The following RBL2 variants were observed in gnomAD, a reference collection of about 807,000 sequenced individuals.
RBL2 encodes retinoblastoma-like protein 2.
Under a neutral mutation model 126.0 loss-of-function variants are expected in RBL2, and 56 were observed. The ratio of observed to expected loss-of-function variants is 0.44; its 90% CI spans 0.36 to 0.56. RBL2 has a LOEUF of 0.56. Among genes scored for constraint, RBL2 ranks in the 20% least tolerant of loss-of-function variants. The pLI is 0.00. For synonymous variants in RBL2, 454 were observed against 478.5 expected, an observed-to-expected ratio of 0.95 and a Z score of 0.67; for missense variants, 1,229 against 1,398.2, an observed-to-expected ratio of 0.88 and a Z score of 1.93.
At chr16:53,484,839 T>G (rs192652401) in intron 21 of RBL2, among the ~76,000 whole-genome samples, 45 of 152,274 alleles carry the variant, frequency 3.0e-4, no homozygotes, top group African/African-American at 9.9e-4. Context: ...AAGAATTATA[T>G]CTCAATAAAG....
chr16:53,482,671 G>A (rs1479905113), intron 21 of RBL2, among the ~76,000 whole-genome samples: 1 of 152,042 alleles, frequency 6.6e-6, no homozygotes, highest in South Asian at 2.1e-4. Context: ...TTAGCTGGGT[G>A]TGGTGGCATG....
intron 13 of RBL2, 129 bp from the exon 14 acceptor site, chr16:53,466,929 G>T: frequency 8.5e-6 from 6 of 702,392 alleles, no homozygotes; most frequent in East Asian, 3.0e-5. Context: ...TTATTAAAAT[G>T]GGAAAGACAG....
rs774370283 is a variant in RBL2, at chr16:53,453,785, T to A, written c.992+16T>A. 3.2e-6 allele frequency: 5 copies of A among 1,555,294 alleles called. No individual in the cohort carries two copies. In the East Asian group the frequency reaches 6.7e-5, roughly 21 times the overall value. On this transcript the variant is annotated intron_variant, in intron 7 of 21. Transcript: ENST00000262133. ...GAGAGAGTTTGTGAGTACTTCTGTA[T>A]AAAATGTTTTAATATTTTAAATTGT...
rs1460838118 is a variant in RBL2, at chr16:53,490,289, G to A, written c.3409G>A (p.Gly1137Ser). 1 of 1,607,348 alleles carries A rather than the reference G, an allele frequency of 6.2e-7. No individual in the cohort carries two copies. The highest frequency in any genetic ancestry group is 2.2e-5 in the East Asian group (1 of 44,740). ...TCTCCAAGATGTAGCTAATGACCGT[G>A]GTTCCCACTGAGGTTAGTCTCTTGT... The part of the protein sequence containing the change: ...RRLQDVANDR[G>S]SH Residue 1137 changes from glycine (G) to serine (S), a missense_variant, in exon 22 of 22, where the codon GGT (glycine) becomes AGT (serine). Physicochemically the swap from Gly to Ser is moderately conservative, Grantham distance 56. This residue lies in a region of RBL2 where 1,070 missense variants were observed against 1,274.3 expected (regional missense o/e 0.84). Transcript: ENST00000262133.
intron 21 of RBL2, among the ~76,000 whole-genome samples, chr16:53,486,275 T>C (rs1213991087): frequency 6.6e-6 from 1 of 152,162 alleles, no homozygotes; most frequent in South Asian, 2.1e-4. Flanking sequence ...CACTCCATCC[T>C]GGGCAACAGA....
In RBL2 at chr16:53,484,916, A is replaced by C. The variant is rs1042148810; in HGVS notation, c.3249+3081A>C. Among the ~76,000 whole-genome samples the C allele has an allele frequency of 5.3e-5, 8 of 152,320 alleles. No individual in the cohort carries two copies. The East Asian group carries it at 1.5e-3, about 29-fold the overall frequency. On this transcript the variant is annotated intron_variant, in intron 21 of 21. Coordinates refer to ENST00000262133, the MANE Select transcript of RBL2 (RefSeq NM_005611.4). The stretch of plus-strand genomic sequence containing the variant: ...AAAGAAAGTTGGAGTGGCTGTATTA[A>C]TATCAGAGAAAGTAGATTTCAGAGC...
chr16:53,447,206 C>T (rs979911551), intron 4 of RBL2, 100 bp downstream of exon 4: 1 of 588,762 alleles, frequency 1.7e-6, no homozygotes, highest in African/African-American at 1.9e-5. Context: ...AAGATTTTCA[C>T]TGAAAATTTT....
intron 20 of RBL2, 126 bp from the exon 21 acceptor site, chr16:53,481,545 G>A: frequency 1.2e-6 from 1 of 858,382 alleles, no homozygotes; most frequent in South Asian, 2.1e-5. Flanking sequence ...TTAAGTTATT[G>A]CTAATACATC....
chr16:53,447,996 C>T lies in RBL2; in HGVS notation c.637+890C>T, dbSNP rs138913104. Among the ~76,000 whole-genome samples, 59 of 152,176 alleles carry T rather than the reference C, an allele frequency of 3.9e-4. No homozygotes were observed. The East Asian group carries it at 0.011, about 28-fold the overall frequency. Reference sequence around the variant, plus strand: ...ATTCTTTAAAGTAGATAGGAAAGTGCAGTTATATTATTATATAGCTTTCTT... The same window carrying T: ...ATTCTTTAAAGTAGATAGGAAAGTGTAGTTATATTATTATATAGCTTTCTT... On this transcript the variant is annotated intron_variant, in intron 4 of 21. Transcript: ENST00000262133.
chr16:53,435,512 G>A (rs1292126882), intron 1 of RBL2: 5 of 1,135,306 alleles, frequency 4.4e-6, no homozygotes, highest in Non-Finnish European at 5.6e-6. Context: ...CGCAGCCTTC[G>A]GACAGGGCTT....
intron 3 of RBL2, among the ~76,000 whole-genome samples, chr16:53,443,930 G>A (rs375914503): frequency 6.6e-6 from 1 of 152,128 alleles, no homozygotes. Context: ...CTCACTTACA[G>A]TTTTGGGGAA....
chr16:53,484,129 T>A (rs1010370981), intron 21 of RBL2, among the ~76,000 whole-genome samples: 1 of 152,130 alleles, frequency 6.6e-6, no homozygotes, highest in Non-Finnish European at 1.5e-5. Flanking sequence ...CCTGGAAACA[T>A]AAATTGGCAG....
At position 53,490,360 on chromosome 16, in the gene RBL2, C is replaced by G; in HGVS notation, c.*60C>G. On this transcript the variant is annotated 3_prime_UTR_variant, in exon 22 of 22. Coordinates refer to ENST00000262133, the MANE Select transcript of RBL2 (RefSeq NM_005611.4). Reference sequence around the variant, plus strand: ...TGTTTAGCAGCAGCCTTTAATGCATCTAGATTATGGAGCTTTTTTCCTTAA... The same window carrying G: ...TGTTTAGCAGCAGCCTTTAATGCATGTAGATTATGGAGCTTTTTTCCTTAA... The G allele has an allele frequency of 2.1e-6, 3 of 1,405,892 alleles. No individual in the cohort carries two copies. Among genetic ancestry groups the G allele is most frequent in the East Asian group, 2.4e-5 (1 of 41,864 alleles). The allele number at this position is 1,405,892 out of a possible 1,614,324, so 87.1% of individuals were successfully genotyped here. A position where few individuals can be genotyped will look rare whatever the true frequency, so the allele number is the denominator to read the frequency against.
intron 4 of RBL2, among the ~76,000 whole-genome samples, 165 bp from the exon 5 acceptor site, chr16:53,451,538 A>G (rs1296981179): frequency 6.6e-6 from 1 of 152,224 alleles, no homozygotes; most frequent in South Asian, 2.1e-4. Context: ...ATTTATTAAG[A>G]TATAAGAGTA....
chr16:53,459,911 G>A (rs1370239926), intron 9 of RBL2, among the ~76,000 whole-genome samples: 1 of 151,566 alleles, frequency 6.6e-6, no homozygotes, highest in Non-Finnish European at 1.5e-5. Context: ...TCAGGGAGTG[G>A]TGAGGTGGGG....
chr16:53,465,857 G>C, intron 13 of RBL2: 1 of 281,914 alleles, frequency 3.5e-6, no homozygotes, highest in East Asian at 6.4e-5. Flanking sequence ...AGGAGGCAGA[G>C]GTGGTGGGGA....
chr16:53,442,922 C>A, intron 3 of RBL2, 64 bp downstream of exon 3: 1 of 1,211,522 alleles, frequency 8.3e-7, no homozygotes, highest in Non-Finnish European at 1.1e-6. Context: ...TGATATTCTG[C>A]TAGGTTTTTT....
intron 21 of RBL2, among the ~76,000 whole-genome samples, chr16:53,485,852 TAAAAAA>T (rs79378831): frequency 0.064 from 9,469 of 147,854 alleles, 367 homozygotes; most frequent in South Asian, 0.1. Context: ...TGAGACCATC[TAAAAAA>T]AAACAAAAAC....
rs1442362343 is a variant in RBL2 at position 53,462,535 on chromosome 16, T to C, written c.1457-17T>C. On this transcript the variant is annotated splice_polypyrimidine_tract_variant and intron_variant, in intron 10 of 21. Coordinates refer to ENST00000262133, the MANE Select transcript of RBL2 (RefSeq NM_005611.4). Reference sequence around the variant, plus strand: ...TGTGCCATTTTTGTGGGGTTTTTTTTTTTATTATTTCTACAGAAATTGCCA... The same window carrying C: ...TGTGCCATTTTTGTGGGGTTTTTTTCTTTATTATTTCTACAGAAATTGCCA... 6.9e-7 allele frequency: 1 copy of C among 1,456,122 alleles called. No homozygotes were observed. Among genetic ancestry groups the C allele is most frequent in the Non-Finnish European group, 9.3e-7 (1 of 1,076,450 alleles). 90.2% of individuals were successfully genotyped at this position (1,456,122 alleles called of 1,614,324 possible).
Sources: gnomAD v4.1 joint callset for allele counts (sites outside exome capture counted in the v4.1 genomes callset) on GRCh38, gnomAD v4.1.1 for gene constraint, gnomAD v4.1.1 regional missense constraint, MANE v1.5 for transcripts, NCBI Gene and HGNC (gene_info 2026-07-23, HGNC 2026-07-21) for gene names.